The following ESR1 variants were observed in gnomAD, a reference collection of about 807,000 sequenced individuals.
ESR1 encodes estrogen receptor 1, also known as estrogen receptor.
Under a neutral mutation model 52.7 loss-of-function variants are expected in ESR1, and 12 were observed. That is an observed-to-expected ratio of 0.23 (90% CI 0.15 to 0.37). ESR1 has a LOEUF of 0.37. Among genes scored for constraint, ESR1 ranks in the 10% least tolerant of loss-of-function variants. ESR1 has a pLI of 1.00. For synonymous variants in ESR1, 305 were observed against 316.8 expected (o/e 0.96, Z 0.39); for missense variants, 584 against 779.7 (o/e 0.75, Z 2.99).
upstream of ESR1, among the ~76,000 whole-genome samples, chr6:151,800,959 C>A (rs1007643227): frequency 2.6e-5 from 4 of 151,840 alleles, no homozygotes; most frequent in Admixed American, 6.6e-5. Context: ...GCTGAAAATG[C>A]TAAACTGCTC....
At chr6:152,121,246 G>T (rs1358601297) in intron 6 of ESR1, among the ~76,000 whole-genome samples, 1 of 152,182 alleles carries the variant, frequency 6.6e-6, no homozygotes, top group African/African-American at 2.4e-5. Context: ...AATGATAGAA[G>T]AAAACTGTAT....
At position 151,719,121 on chromosome 6, in the gene ESR1, C is replaced by T. The variant is rs1781265493; in HGVS notation, c.-71+17116C>T. Among the ~76,000 whole-genome samples the T allele has an allele frequency of 2.6e-5, 4 of 152,180 alleles. No homozygotes were observed. In the South Asian group the frequency reaches 8.3e-4, roughly 32 times the overall value. ...GCTCTTACTATGTCAAAGTAGTGTT[C>T]TGGATGCTCGGCTCCATCAGTAAAC... On this transcript the variant is annotated intron_variant, in intron 2 of 2. Coordinates refer to the ESR1 transcript ENST00000404742.
upstream of ESR1, among the ~76,000 whole-genome samples, chr6:151,806,530 G>GTATA (rs56020486): frequency 0.04 from 3,817 of 96,360 alleles, 235 homozygotes; most frequent in South Asian, 0.11. Flanking sequence ...TCCTTAATAT[G>GTATA]TATATATATA....
At chr6:151,772,859 C>T (rs956273428) in intron 2 of ESR1, among the ~76,000 whole-genome samples, 1 of 152,192 alleles carries the variant, frequency 6.6e-6, no homozygotes, top group Admixed American at 6.5e-5. Context: ...AGTAGTCTTA[C>T]CATTCCTCTC....
intron 2 of ESR1, among the ~76,000 whole-genome samples, chr6:151,785,439 C>T (rs1447376260): frequency 1.3e-5 from 2 of 152,146 alleles, no homozygotes; most frequent in Non-Finnish European, 2.9e-5. Flanking sequence ...TAAGGGTATA[C>T]CTCTGTTATT....
At chr6:151,997,719 A>C (rs892380837) in intron 4 of ESR1, among the ~76,000 whole-genome samples, 1 of 152,120 alleles carries the variant, frequency 6.6e-6, no homozygotes, top group Non-Finnish European at 1.5e-5. Flanking sequence ...ACAGGGAAAA[A>C]GTTATCTGAA....
intron 6 of ESR1, among the ~76,000 whole-genome samples, chr6:152,113,777 C>G (rs1016821014): frequency 6.6e-6 from 1 of 152,160 alleles, no homozygotes; most frequent in South Asian, 2.1e-4. Context: ...TCCTCATCAA[C>G]ACATCCTATA....
At chr6:151,961,879 CTCT>C (rs1341433002) in intron 4 of ESR1, among the ~76,000 whole-genome samples, 6 of 152,278 alleles carry the variant, frequency 3.9e-5, no homozygotes, top group African/African-American at 1.4e-4. Flanking sequence ...TAGTTGTGGG[CTCT>C]TCTTCAGTCG....
intron 1 of ESR1, among the ~76,000 whole-genome samples, chr6:151,812,275 A>G (rs1326075284): frequency 2.0e-5 from 3 of 152,218 alleles, no homozygotes; most frequent in Non-Finnish European, 4.4e-5. Context: ...TTTTACTCAC[A>G]TGTTAATATT....
At chr6:151,907,603 G>A (rs941223423) in intron 3 of ESR1, among the ~76,000 whole-genome samples, 1 of 151,786 alleles carries the variant, frequency 6.6e-6, no homozygotes, top group Non-Finnish European at 1.5e-5. Flanking sequence ...ATTATTAGAG[G>A]AGCTGCATTA....
chr6:151,923,649 TG>T (rs1177591476), intron 3 of ESR1, among the ~76,000 whole-genome samples: 4 of 152,228 alleles, frequency 2.6e-5, no homozygotes, highest in African/African-American at 9.6e-5. Flanking sequence ...TATATTTTCA[TG>T]GTCTGATAGC....
intron 3 of ESR1, among the ~76,000 whole-genome samples, chr6:151,921,271 T>G (rs982155383): frequency 2.0e-5 from 3 of 152,208 alleles, no homozygotes. Context: ...ATATCCTTCC[T>G]TTTTATGGCT....
Position 151,685,107 on chromosome 6 carries a change from C to CTTTTTTTTTTTTTTT in ESR1, n.74-16745_74-16731dup, listed in dbSNP as rs772122906. Among the ~76,000 whole-genome samples, 2 of 72,950 alleles carry CTTTTTTTTTTTTTTT rather than the reference C, an allele frequency of 2.7e-5. 1 individual carries two copies. Among genetic ancestry groups the CTTTTTTTTTTTTTTT allele is most frequent in the Non-Finnish European group, 5.0e-5 (2 of 39,730 alleles). The allele number at this position is 72,950 out of a possible 152,430, so 47.9% of individuals were successfully genotyped here. A position where few individuals can be genotyped will look rare whatever the true frequency, so the allele number is the denominator to read the frequency against. ...TATCATTTTTGTCTGACACTGGCCT[C>CTTTTTTTTTTTTTTT]TTTTTTTTTTTTTTTTTTTTTTTTT... On this transcript the variant is annotated intron_variant and non_coding_transcript_variant, in intron 1 of 2. Coordinates refer to the ESR1 transcript ENST00000473497.
intron 2 of ESR1, among the ~76,000 whole-genome samples, chr6:151,871,405 T>C (rs867821873): frequency 3.3e-5 from 5 of 152,084 alleles, no homozygotes; most frequent in Non-Finnish European, 2.9e-5. Context: ...TTATTTTTTA[T>C]TTTATTTTAT....
chr6:151,975,053 G>C (rs2039304545), intron 4 of ESR1, among the ~76,000 whole-genome samples: 1 of 152,168 alleles, frequency 6.6e-6, no homozygotes, highest in Non-Finnish European at 1.5e-5. Context: ...CTGTGAGGCT[G>C]GGATGTTACT....
At chr6:151,826,648 C>A (rs1002324914) in intron 1 of ESR1, among the ~76,000 whole-genome samples, 1 of 152,182 alleles carries the variant, frequency 6.6e-6, no homozygotes, top group Non-Finnish European at 1.5e-5. Flanking sequence ...ACCATGGTGG[C>A]TTGTCTCCCG....
chr6:152,011,134 A>G (rs1162129995), intron 4 of ESR1, among the ~76,000 whole-genome samples: 1 of 152,084 alleles, frequency 6.6e-6, no homozygotes, highest in Non-Finnish European at 1.5e-5. Context: ...TGATTTATTT[A>G]TATATGGAGT....
intron 4 of ESR1, among the ~76,000 whole-genome samples, chr6:151,944,939 G>A (rs952545654): frequency 4.6e-5 from 7 of 152,114 alleles, no homozygotes; most frequent in East Asian, 3.8e-4. Context: ...TTTAAGATTC[G>A]GTGTGGTGGC....
intron 3 of ESR1, among the ~76,000 whole-genome samples, chr6:151,937,562 CAT>C (rs1227518381): frequency 6.6e-6 from 1 of 151,900 alleles, no homozygotes; most frequent in Non-Finnish European, 1.5e-5. Context: ...TAGGCAGGGA[CAT>C]GTGAGGAAAT....
Sources: allele counts gnomAD v4.1 joint callset (sites outside exome capture counted in the v4.1 genomes callset), GRCh38; gene constraint gnomAD v4.1.1; transcripts MANE v1.5; gene names NCBI Gene and HGNC (gene_info 2026-07-23, HGNC 2026-07-21).